TEX15: variants seen among roughly 807,000 people sequenced by gnomAD.
The protein encoded by TEX15 is testis-expressed protein 15.
TEX15 carries 171 observed loss-of-function variants against 237.3 expected under a neutral mutation model. The ratio of observed to expected loss-of-function variants is 0.72; its 90% CI spans 0.64 to 0.82. The LOEUF is 0.82. Ranked by LOEUF, TEX15 falls within the 40% of genes least tolerant of loss-of-function variation. The probability of loss-of-function intolerance (pLI) is 0.00; values close to 1 mark genes in which losing one functional copy is unlikely to be tolerated. For missense variants in TEX15, 3,750 were observed against 3,646.5 expected (o/e 1.03, Z -0.73); for synonymous variants, 1,338 against 1,269.8 (o/e 1.05, Z -1.14).
intron 1 of TEX15, among the ~76,000 whole-genome samples, chr8:30,900,978 T>C (rs952622536): frequency 5.4e-4 from 82 of 152,236 alleles, no homozygotes; most frequent in African/African-American, 1.9e-3. Context: ...GGCAACATAG[T>C]GGGACCAAAA....
intron 3 of TEX15, among the ~76,000 whole-genome samples, chr8:30,878,198 T>C (rs565231265): frequency 2.0e-5 from 3 of 151,642 alleles, no homozygotes; most frequent in African/African-American, 7.3e-5. Context: ...TACCATGGTA[T>C]GAATGTGCCA....
intron 5 of TEX15, 49 bp from the exon 6 acceptor site, chr8:30,860,106 G>T: frequency 5.2e-6 from 7 of 1,350,784 alleles, no homozygotes; most frequent in Non-Finnish European, 6.8e-6. Context: ...ATACCAAAAC[G>T]TTTCTAAACT....
chr8:30,904,274 C>G (rs1397734763), intron 1 of TEX15, among the ~76,000 whole-genome samples: 2 of 152,000 alleles, frequency 1.3e-5, no homozygotes, highest in African/African-American at 4.8e-5. Flanking sequence ...CGGGGAAACC[C>G]CATCTCTACC....
chr8:30,893,364 G>A (rs545439227), intron 2 of TEX15, among the ~76,000 whole-genome samples: 2 of 152,284 alleles, frequency 1.3e-5, no homozygotes, highest in East Asian at 1.9e-4. Flanking sequence ...ACCTTGTTAA[G>A]CTCTTACTAA....
rs1300714097 is a variant in TEX15, at chr8:30,831,938, G to A, written c.*1348C>T. On this transcript the variant is annotated 3_prime_UTR_variant, in exon 11 of 11. Transcript: ENST00000643185. ...AGACTATTTTCAAATAAAACTGCAT[G>A]GACCAAATAGAAATGTTTTTTAAAT... 1 of 152,140 alleles carries A rather than the reference G, an allele frequency of 6.6e-6. No homozygotes were observed. The highest frequency in any genetic ancestry group is 6.5e-5 in the Admixed American group (1 of 15,276). 9.4% of individuals were successfully genotyped at this position (152,140 alleles called of 1,614,324 possible).
At chr8:30,865,310 C>G (rs1376484003) in intron 5 of TEX15, among the ~76,000 whole-genome samples, 1 of 151,942 alleles carries the variant, frequency 6.6e-6, no homozygotes, top group East Asian at 1.9e-4. Flanking sequence ...GTGACAAGAT[C>G]AAAACAGTAA....
chr8:30,846,313 T>C lies in TEX15; in HGVS notation c.3854A>G (p.Asp1285Gly), dbSNP rs1563239665. 1 of 1,612,930 alleles carries C rather than the reference T, an allele frequency of 6.2e-7. No individual in the cohort carries two copies. The change falls in exon 8 of 11, where the codon GAC (aspartate) becomes GGC (glycine). Residue 1285 changes from aspartate to glycine, a missense_variant. Asp to Gly is a moderately conservative substitution (Grantham distance 94, BLOSUM62 -1). Coordinates refer to ENST00000643185, the MANE Select transcript of TEX15 (RefSeq NM_001350162.2). Reference sequence around the variant, plus strand: ...CTTTTTATTTTTGGTATCATTATAGTCAGTTTTTGATTTTGTAAAGAAACA... The same window carrying C: ...CTTTTTATTTTTGGTATCATTATAGCCAGTTTTTGATTTTGTAAAGAAACA... ...SRCFFTKSKT[D>G]YNDTKNKKEV...
At position 30,846,169 on chromosome 8, in the gene TEX15, T is replaced by C; in HGVS notation, c.3998A>G (p.Gln1333Arg). The change falls in exon 8 of 11, where the codon CAA (glutamine) becomes CGA (arginine). Residue 1333 changes from glutamine (Q) to arginine (R), a missense_variant. Physicochemically the swap from Gln to Arg is conservative, Grantham distance 43. Transcript: ENST00000643185. ...TGAAGAGAAACACTCAGATGAGTCT[T>C]GACTGGTTAGCCTCCTCTTTCTCCC... The part of the protein sequence containing the change: ...IYGRKRRLTS[Q>R]DSSECFSSLS... 1 of 1,613,452 alleles carries C rather than the reference T, an allele frequency of 6.2e-7. No homozygotes were observed. Among genetic ancestry groups the C allele is most frequent in the Non-Finnish European group, 8.5e-7 (1 of 1,179,654 alleles).
Position 30,848,058 on chromosome 8 carries a change from T to C in TEX15, c.2109A>G (p.Glu703=). Residue 703 remains glutamate (E), a synonymous_variant, in exon 8 of 11, where the codon GAA becomes GAG. Coordinates refer to ENST00000643185, the MANE Select transcript of TEX15 (RefSeq NM_001350162.2). ...GCCATTCCAATGCTAGATGATCTAGTTCATCCTTATCCTTTATGGTAGATG... is the reference window on the plus strand; with the variant it reads ...GCCATTCCAATGCTAGATGATCTAGCTCATCCTTATCCTTTATGGTAGATG... The part of the protein sequence containing the change: ...SSTSTIKDKD[E]LDHLALEWQI... 6.2e-7 allele frequency: 1 copy of C among 1,613,764 alleles called. No homozygotes were observed. Among genetic ancestry groups the C allele is most frequent in the Non-Finnish European group, 8.5e-7 (1 of 1,179,914 alleles).
chr8:30,858,609 C>T (rs1327794433), intron 7 of TEX15, 59 bp downstream of exon 7: 20 of 1,387,438 alleles, frequency 1.4e-5, no homozygotes, highest in Non-Finnish European at 1.7e-5. Flanking sequence ...GTAAATAATA[C>T]TGAGAAATTT....
intron 10 of TEX15, among the ~76,000 whole-genome samples, chr8:30,835,365 C>T (rs887973222): frequency 6.6e-6 from 1 of 151,890 alleles, no homozygotes; most frequent in Non-Finnish European, 1.5e-5. Flanking sequence ...ATTACAGGTG[C>T]TCAGCCTCTA....
intron 7 of TEX15, among the ~76,000 whole-genome samples, chr8:30,852,688 C>T (rs192609294): frequency 1.3e-5 from 2 of 151,132 alleles, no homozygotes; most frequent in African/African-American, 4.9e-5. Flanking sequence ...TAAAAACCTA[C>T]GGAAATAAAA....
In TEX15 at chr8:30,845,525, G is replaced by A; in HGVS notation, c.4642C>T (p.Gln1548Ter). Residue 1548 changes from glutamine to a stop codon, truncating the protein, a stop_gained, in exon 8 of 11, where the codon CAG becomes TAG. Transcript: ENST00000643185. LOFTEE classifies it high-confidence loss of function. Reference protein sequence around the residue: ...VSNPSLSEEHQPFSGKTAYLF... With the variant: ...VSNPSLSEEH ...TATGCAGTTTTTCCAGAAAAGGGCT[G>A]ATGTTCTTCTGATAAACTTGGATTG... 2 of 1,613,666 alleles carry A rather than the reference G, an allele frequency of 1.2e-6. No individual in the cohort carries two copies. Among genetic ancestry groups the A allele is most frequent in the Non-Finnish European group, 8.5e-7 (1 of 1,179,644 alleles).
At chr8:30,861,547 A>T (rs997813161) in intron 5 of TEX15, among the ~76,000 whole-genome samples, 6 of 152,210 alleles carry the variant, frequency 3.9e-5, no homozygotes, top group African/African-American at 1.4e-4. Flanking sequence ...AAAAATTAGC[A>T]AAAGCCAAAT....
chr8:30,842,787 GTTT>G lies in TEX15; in HGVS notation c.7377_7379del (p.Lys2459del). The G allele has an allele frequency of 6.2e-7, 1 of 1,613,322 alleles. No individual in the cohort carries two copies. Among genetic ancestry groups the G allele is most frequent in the Non-Finnish European group, 8.5e-7 (1 of 1,179,588 alleles). On this transcript the variant is annotated inframe_deletion, in exon 8 of 11. Transcript: ENST00000643185. ...GTTTGTCTAGTTTCTTTGCTATTGA[GTTT>G]TTAAGAAAGTGAATTGTTTCTGAGA...
Position 30,847,256 on chromosome 8 carries a change from T to G in TEX15, c.2911A>C (p.Lys971Gln). 1 of 1,613,984 alleles carries G rather than the reference T, an allele frequency of 6.2e-7. No homozygotes were observed. The highest frequency in any genetic ancestry group is 8.5e-7 in the Non-Finnish European group (1 of 1,179,862). Residue 971 changes from lysine to glutamine, a missense_variant, in exon 8 of 11, where the codon AAA becomes CAA. Lys to Gln is a moderately conservative substitution (Grantham distance 53, BLOSUM62 1). Coordinates refer to ENST00000643185, the MANE Select transcript of TEX15 (RefSeq NM_001350162.2). ...ACACACACTGAAGAACTTGCAGTTT[T>G]GGGAAATGTCGTGGAAGCCAAATGC... ...VEHLASTTFP[K>Q]TASSSVCVAS...
chr8:30,833,391 G>T, intron 10 of TEX15, 68 bp from the exon 11 acceptor site: 1 of 1,205,066 alleles, frequency 8.3e-7, no homozygotes, highest in Non-Finnish European at 1.2e-6. Context: ...TACTATAGTG[G>T]AAAGAACCTG....
chr8:30,895,942 G>A (rs1808897906), intron 2 of TEX15, among the ~76,000 whole-genome samples: 1 of 152,038 alleles, frequency 6.6e-6, no homozygotes. Context: ...GCCTCCCAAA[G>A]TGCTGAGATT....
chr8:30,836,090 T>C (rs139674602), intron 10 of TEX15, among the ~76,000 whole-genome samples: 33 of 152,290 alleles, frequency 2.2e-4, no homozygotes, highest in Middle Eastern at 3.4e-3. Context: ...TGGCATATTT[T>C]ATTTCAGTAT....
Sources: allele counts gnomAD v4.1 joint callset (sites outside exome capture counted in the v4.1 genomes callset), GRCh38; gene constraint gnomAD v4.1.1; transcripts MANE v1.5; gene names NCBI Gene and HGNC (gene_info 2026-07-23, HGNC 2026-07-21).